PIP4K2A: variants seen among roughly 807,000 people sequenced by gnomAD.
PIP4K2A encodes the protein phosphatidylinositol-5-phosphate 4-kinase type 2 alpha.
In PIP4K2A, 14 loss-of-function variants were observed where a neutral mutation model predicts 42.9. That is an observed-to-expected ratio of 0.33 (90% CI 0.22 to 0.51). The LOEUF (loss-of-function observed/expected upper bound fraction) is 0.51, where lower values mean the gene tolerates loss of function less well. Among genes scored for constraint, PIP4K2A ranks in the 20% least tolerant of loss-of-function variants. PIP4K2A has a pLI of 0.97. For missense variants in PIP4K2A, 434 were observed against 519.8 expected, an observed-to-expected ratio of 0.83 and a Z score of 1.61; for synonymous variants, 192 against 192.2, an observed-to-expected ratio of 1.00 and a Z score of 0.01.
chr10:22,570,597 A>G (rs982543483), intron 5 of PIP4K2A, among the ~76,000 whole-genome samples: 6 of 152,226 alleles, frequency 3.9e-5, no homozygotes, highest in African/African-American at 1.2e-4. Flanking sequence ...TTAGGAGACA[A>G]GCCCAGACCA....
intron 7 of PIP4K2A, among the ~76,000 whole-genome samples, chr10:22,544,967 G>A (rs187950340): frequency 1.1e-3 from 169 of 152,308 alleles, no homozygotes; most frequent in Non-Finnish European, 1.8e-3. Context: ...ACGGGGCCTC[G>A]CTGCACATTC....
intron 1 of PIP4K2A, among the ~76,000 whole-genome samples, chr10:22,711,945 T>C (rs1001051843): frequency 6.6e-6 from 1 of 152,232 alleles, no homozygotes; most frequent in Non-Finnish European, 1.5e-5. Context: ...ACCTTTCTTA[T>C]GTCAACTCAG....
chr10:22,584,726 AAG>A (rs2130812033), intron 4 of PIP4K2A, among the ~76,000 whole-genome samples: 1 of 152,310 alleles, frequency 6.6e-6, no homozygotes, highest in East Asian at 1.9e-4. Flanking sequence ...CCCTGTTTCT[AAG>A]AGAGAAGCAA....
chr10:22,664,154 C>CACAT (rs1554807263), intron 1 of PIP4K2A, among the ~76,000 whole-genome samples: 1,257 of 62,242 alleles, frequency 0.02, 153 homozygotes, highest in African/African-American at 0.14. Flanking sequence ...TATATATACA[C>CACAT]ATATATATAT....
chr10:22,680,085 G>A (rs931837492), intron 1 of PIP4K2A, among the ~76,000 whole-genome samples: 1 of 151,820 alleles, frequency 6.6e-6, no homozygotes, highest in Non-Finnish European at 1.5e-5. Flanking sequence ...CAATAAAGCT[G>A]TCTTTAAAAA....
chr10:22,650,896 T>C (rs975878489), intron 1 of PIP4K2A, among the ~76,000 whole-genome samples: 2 of 152,082 alleles, frequency 1.3e-5, no homozygotes, highest in Non-Finnish European at 1.5e-5. Flanking sequence ...TGCTTCTACA[T>C]GTCCAAGTGG....
At chr10:22,580,740 G>A (rs1324635770) in intron 4 of PIP4K2A, among the ~76,000 whole-genome samples, 4 of 152,134 alleles carry the variant, frequency 2.6e-5, no homozygotes, top group Non-Finnish European at 5.9e-5. Context: ...AGTCCCTTGG[G>A]GCCACTGTTT....
At chr10:22,659,800 C>T (rs1839168536) in intron 1 of PIP4K2A, 2 of 152,052 alleles carry the variant, frequency 1.3e-5, no homozygotes, top group Non-Finnish European at 2.9e-5. Context: ...GAACAAGATT[C>T]CAACCCTCCC....
At chr10:22,578,732 T>C (rs578029630) in intron 4 of PIP4K2A, among the ~76,000 whole-genome samples, 2 of 152,342 alleles carry the variant, frequency 1.3e-5, no homozygotes, top group South Asian at 4.1e-4. Flanking sequence ...CACATCCACA[T>C]AGGATTCATC....
chr10:22,536,082 C>A lies in PIP4K2A; in HGVS notation c.*1119G>T. The A allele has an allele frequency of 2.5e-6, 1 of 398,390 alleles. No homozygotes were observed. Among genetic ancestry groups the A allele is most frequent in the South Asian group, 1.3e-4 (1 of 7,846 alleles). The allele number at this position is 398,390 out of a possible 1,614,324, so 24.7% of individuals were successfully genotyped here. On this transcript the variant is annotated 3_prime_UTR_variant, in exon 10 of 10. Transcript: ENST00000376573. ...CAAATTTTTAGATTCAAAAGATATC[C>A]CTGTTTTCCTAATAATGTAAACAGT...
chr10:22,609,579 G>T, intron 2 of PIP4K2A, 41 bp downstream of exon 2: 1 of 1,112,236 alleles, frequency 9.0e-7, no homozygotes, highest in Non-Finnish European at 1.4e-6. Flanking sequence ...TGTACTCCTA[G>T]CAGCCACGCT....
Position 22,550,709 on chromosome 10 carries a change from C to G in PIP4K2A, c.742G>C (p.Asp248His), listed in dbSNP as rs148391473. ...AGGAAGACCTTCTTGTTGTTGTCAT[C>G]AATATAAATCTTTTGGCCCTCATTA... is the stretch of plus-strand genomic sequence containing the variant. The part of the protein sequence containing the change: ...FINEGQKIYI[D>H]DNNKKVFLEK... The change falls in exon 7 of 10, where the codon GAT becomes CAT. Residue 248 changes from aspartate to histidine, a missense_variant. Physicochemically the swap from Asp to His is moderately conservative, Grantham distance 81. This residue lies in a region of PIP4K2A where 395 missense variants were observed against 444.5 expected (regional missense o/e 0.89). Transcript: ENST00000376573. 1.1e-4 allele frequency: 170 copies of G among 1,608,754 alleles called. No homozygotes were observed. The highest frequency in any genetic ancestry group is 1.4e-4 in the Non-Finnish European group (163 of 1,175,040).
intron 1 of PIP4K2A, among the ~76,000 whole-genome samples, chr10:22,649,524 GA>G (rs762131957): frequency 6.6e-6 from 1 of 152,158 alleles, no homozygotes; most frequent in African/African-American, 2.4e-5. Context: ...CCAAGACCAG[GA>G]GAAGAAAACA....
chr10:22,674,134 G>A (rs1410681832), intron 1 of PIP4K2A, among the ~76,000 whole-genome samples: 1 of 152,060 alleles, frequency 6.6e-6, no homozygotes, highest in Non-Finnish European at 1.5e-5. Context: ...ATTTCATGCA[G>A]ACTAACAACC....
intron 1 of PIP4K2A, among the ~76,000 whole-genome samples, chr10:22,692,260 CT>C: frequency 6.6e-6 from 1 of 152,064 alleles, no homozygotes; most frequent in African/African-American, 2.4e-5. Context: ...GTTTGCGCTC[CT>C]ATGAGAATCT....
At chr10:22,602,342 C>A (rs1837802339) in intron 3 of PIP4K2A, among the ~76,000 whole-genome samples, 1 of 143,462 alleles carries the variant, frequency 7.0e-6, no homozygotes, top group Non-Finnish European at 1.5e-5. Flanking sequence ...TGCAGTGAGC[C>A]AAGATTGTGC....
chr10:22,541,587 A>G (rs118143907), intron 8 of PIP4K2A, among the ~76,000 whole-genome samples: 2,440 of 152,196 alleles, frequency 0.016, 117 homozygotes, highest in Admixed American at 0.093. Flanking sequence ...TATTCCCTCA[A>G]CATCACAGAA....
At chr10:22,608,239 C>CT (rs1490562819) in intron 2 of PIP4K2A, among the ~76,000 whole-genome samples, 1 of 152,184 alleles carries the variant, frequency 6.6e-6, no homozygotes, top group Non-Finnish European at 1.5e-5. Flanking sequence ...CACAGGCACG[C>CT]TTGGACTATG....
chr10:22,569,160 G>A (rs755604562), intron 5 of PIP4K2A: 1 of 821,542 alleles, frequency 1.2e-6, no homozygotes, highest in Non-Finnish European at 2.0e-6. Context: ...TTGAACGGAA[G>A]AGACTCCTCA....
Sources: gnomAD v4.1 joint callset for allele counts (sites outside exome capture counted in the v4.1 genomes callset) on GRCh38, gnomAD v4.1.1 for gene constraint, gnomAD v4.1.1 regional missense constraint, MANE v1.5 for transcripts, NCBI Gene and HGNC (gene_info 2026-07-23, HGNC 2026-07-21) for gene names.